NAV2: variants seen among roughly 807,000 people sequenced by gnomAD.
NAV2 encodes the protein neuron navigator 2.
In NAV2, 54 loss-of-function variants were observed where a neutral mutation model predicts 223.2. The ratio of observed to expected loss-of-function variants is 0.24; its 90% CI spans 0.19 to 0.30. The LOEUF is 0.30. Ranked by LOEUF, NAV2 falls within the 10% of genes least tolerant of loss-of-function variation. NAV2 has a pLI of 1.00. For missense variants in NAV2, 2,806 were observed against 3,147.5 expected (o/e 0.89, Z 2.60); for synonymous variants, 1,279 against 1,239.3 (o/e 1.03, Z -0.67).
chr11:19,784,303 G>A (rs905312786), intron 1 of NAV2, among the ~76,000 whole-genome samples: 3 of 144,850 alleles, frequency 2.1e-5, no homozygotes, highest in South Asian at 2.2e-4. Flanking sequence ...CAGGAGAATC[G>A]CTTGAACCCG....
At chr11:19,515,351 C>A (rs936689151) in intron 1 of NAV2, among the ~76,000 whole-genome samples, 1 of 152,300 alleles carries the variant, frequency 6.6e-6, no homozygotes, top group South Asian at 2.1e-4. Context: ...ATATTCCATG[C>A]CTGAGAGGGA....
intron 1 of NAV2, among the ~76,000 whole-genome samples, chr11:19,783,714 C>T (rs1371940535): frequency 6.6e-6 from 1 of 152,096 alleles, no homozygotes; most frequent in African/African-American, 2.4e-5. Flanking sequence ...TCTCTGAGCC[C>T]CAGTTTCTTC....
chr11:19,603,644 A>G (rs931469874), intron 1 of NAV2, among the ~76,000 whole-genome samples: 4 of 151,588 alleles, frequency 2.6e-5, no homozygotes, highest in South Asian at 2.1e-4. Flanking sequence ...AAAAAAAAAA[A>G]AAAAAGAAAA....
At chr11:19,373,989 T>C (rs1021274910) in intron 1 of NAV2, among the ~76,000 whole-genome samples, 12 of 152,226 alleles carry the variant, frequency 7.9e-5, no homozygotes, top group African/African-American at 2.7e-4. Context: ...AACAAGGCAT[T>C]GAGTTATTTT....
At chr11:19,618,393 G>A (rs11025197) in intron 1 of NAV2, among the ~76,000 whole-genome samples, 4,217 of 19,708 alleles carry the variant, frequency 0.21, 229 homozygotes, top group African/African-American at 0.3. Context: ...TGGATGGATG[G>A]ATGAATAGAT....
chr11:19,800,288 T>C (rs1444110124), intron 1 of NAV2, among the ~76,000 whole-genome samples: 1 of 152,154 alleles, frequency 6.6e-6, no homozygotes, highest in Non-Finnish European at 1.5e-5. Flanking sequence ...TGGGGTTCTC[T>C]GGATATTCTA....
chr11:19,902,316 T>TAG (rs1341788923), intron 6 of NAV2, among the ~76,000 whole-genome samples: 1 of 152,222 alleles, frequency 6.6e-6, no homozygotes, highest in Non-Finnish European at 1.5e-5. Context: ...AAAATCCCTC[T>TAG]AATGTGTGAA....
Position 19,864,665 on chromosome 11 carries a change from A to G in NAV2, c.439-4260A>G, listed in dbSNP as rs2061984337. On this transcript the variant is annotated intron_variant, in intron 3 of 37. Coordinates refer to ENST00000349880, the MANE Select transcript of NAV2 (RefSeq NM_145117.5). ...CATGGAAGTTGCCCTGCAAGTCTAAAGGTCAGGGACTGTTGAGAAACTAAA... is the reference window on the plus strand; with the variant it reads ...CATGGAAGTTGCCCTGCAAGTCTAAGGGTCAGGGACTGTTGAGAAACTAAA... Among the ~76,000 whole-genome samples the G allele has an allele frequency of 2.0e-5, 3 of 152,338 alleles. No homozygotes were observed. In the South Asian group the frequency reaches 6.2e-4, roughly 32 times the overall value.
intron 26 of NAV2, among the ~76,000 whole-genome samples, chr11:20,088,514 T>C (rs2060605896): frequency 6.6e-6 from 1 of 152,200 alleles, no homozygotes; most frequent in Non-Finnish European, 1.5e-5. Context: ...TTATAGGGCA[T>C]CTGTCTCATG....
intron 3 of NAV2, among the ~76,000 whole-genome samples, chr11:19,848,047 C>T (rs2060900960): frequency 1.3e-5 from 2 of 152,182 alleles, no homozygotes; most frequent in Admixed American, 1.3e-4. Flanking sequence ...GAGGCCAGCT[C>T]ATGTATGCCC....
chr11:19,530,181 C>A (rs548934215), intron 1 of NAV2, among the ~76,000 whole-genome samples: 1 of 152,066 alleles, frequency 6.6e-6, no homozygotes, highest in Non-Finnish European at 1.5e-5. Context: ...AGCAAAGAGG[C>A]GGTGTGGGGA....
In NAV2 at chr11:20,049,848, C is replaced by G; in HGVS notation, c.4383C>G (p.Ser1461=). 1 of 1,614,148 alleles carries G rather than the reference C, an allele frequency of 6.2e-7. No homozygotes were observed. The highest frequency in any genetic ancestry group is 8.5e-7 in the Non-Finnish European group (1 of 1,180,016). Reference sequence around the variant, plus strand: ...CCTGGACTTCTAGCCCTCTCTCTTCCCCTGCTGCTAGCCCTAAGTTCTGCA... The same window carrying G: ...CCTGGACTTCTAGCCCTCTCTCTTCGCCTGCTGCTAGCCCTAAGTTCTGCA... ...KTTLSESPLS[S]PAASPKFCRS... Residue 1461 remains serine (S), a synonymous_variant, in exon 16 of 38, where the codon TCC becomes TCG. Transcript: ENST00000349880.
intron 1 of NAV2, among the ~76,000 whole-genome samples, chr11:19,463,468 C>T (rs923189610): frequency 6.6e-6 from 1 of 152,212 alleles, no homozygotes; most frequent in Non-Finnish European, 1.5e-5. Flanking sequence ...CTCCATACAG[C>T]CATTCAGACA....
chr11:19,420,248 C>A (rs1850553936), intron 1 of NAV2, among the ~76,000 whole-genome samples: 1 of 152,082 alleles, frequency 6.6e-6, no homozygotes, highest in South Asian at 2.1e-4. Flanking sequence ...CTTATATGCA[C>A]ACTAGAATGG....
chr11:19,400,920 G>GT lies in NAV2; in HGVS notation c.75+49894dup, dbSNP rs548112727. 3.3e-4 allele frequency among the ~76,000 whole-genome samples: 50 copies of GT among 151,264 alleles called. No homozygotes were observed. In the East Asian group the frequency reaches 8.2e-3, roughly 25 times the overall value. The stretch of plus-strand genomic sequence containing the variant: ...AGCTAGTATGTAATTGTGGCAACTG[G>GT]TAGGGGTGAGCCGGGAGTCTTGTCT... On this transcript the variant is annotated intron_variant, in intron 1 of 37. Transcript: ENST00000360655.
rs1427590228 is a variant in NAV2, at chr11:20,054,167, T to C, written c.4569T>C (p.Ala1523=). 6.2e-7 allele frequency: 1 copy of C among 1,613,670 alleles called. No homozygotes were observed. Among genetic ancestry groups the C allele is most frequent in the African/African-American group, 1.3e-5 (1 of 74,912 alleles). ...SHSAGGLQDT[A]ANSPFSSGSS... is the part of the protein sequence containing the mutation. The stretch of plus-strand genomic sequence containing the variant: ...CTGCAGGAGGCCTTCAGGACACCGC[T>C]GCCAATTCCCCCTTTTCCTCTGGCT... The change falls in exon 18 of 38, where the codon GCT becomes GCC. Residue 1523 remains alanine (A), a synonymous_variant. Coordinates refer to ENST00000349880, the MANE Select transcript of NAV2 (RefSeq NM_145117.5).
intron 6 of NAV2, among the ~76,000 whole-genome samples, chr11:19,931,506 G>A (rs1181682905): frequency 1.3e-5 from 2 of 151,786 alleles, no homozygotes; most frequent in South Asian, 2.1e-4. Flanking sequence ...GCCTTCACTC[G>A]GCTTCAGCAG....
intron 3 of NAV2, 85 bp downstream of exon 3, chr11:19,843,008 TA>T: frequency 9.0e-7 from 1 of 1,116,608 alleles, no homozygotes; most frequent in Non-Finnish European, 1.4e-6. Context: ...AAAACATTCA[TA>T]CCAGATGCTT....
chr11:19,741,866 AC>A (rs2052864729), intron 1 of NAV2, among the ~76,000 whole-genome samples: 2 of 152,074 alleles, frequency 1.3e-5, no homozygotes, highest in South Asian at 4.2e-4. Context: ...TTGGGTATAT[AC>A]CCAGAAGGGG....
Sources: gnomAD v4.1 joint callset for allele counts (sites outside exome capture counted in the v4.1 genomes callset) on GRCh38, gnomAD v4.1.1 for gene constraint, MANE v1.5 for transcripts, NCBI Gene and HGNC (gene_info 2026-07-23, HGNC 2026-07-21) for gene names.